The following PM20D2 variants were observed in gnomAD, a reference collection of about 807,000 sequenced individuals.
PM20D2 encodes the protein peptidase M20 domain containing 2.
In PM20D2, 33 loss-of-function variants were observed where a neutral mutation model predicts 42.9. That is an observed-to-expected ratio of 0.77 (90% CI 0.58 to 1.03). PM20D2 has a LOEUF of 1.03. PM20D2 is among the 50% of genes least tolerant of loss of function. PM20D2 has a pLI of 0.00. For synonymous variants in PM20D2, 250 were observed against 228.2 expected (o/e 1.10, Z -0.86); for missense variants, 548 against 557.0 (o/e 0.98, Z 0.16).
intron 5 of PM20D2, 47 bp downstream of exon 5, chr6:89,158,507 T>TA (rs1431541115): frequency 6.4e-7 from 1 of 1,574,604 alleles, no homozygotes; most frequent in Admixed American, 1.9e-5. Context: ...GGAAGAGAAA[T>TA]ACCATCTTTG....
the PM20D2 span, among the ~76,000 whole-genome samples, chr6:89,103,586 C>T: frequency 6.6e-6 from 1 of 152,210 alleles, no homozygotes; most frequent in South Asian, 2.1e-4. Context: ...CCGCCCTGGC[C>T]TCCCAAAGTG....
chr6:89,158,426 C>A lies in PM20D2; in HGVS notation c.1014C>A (p.Phe338Leu). The A allele has an allele frequency of 6.2e-7, 1 of 1,611,954 alleles. No individual in the cohort carries two copies. Among genetic ancestry groups the A allele is most frequent in the Non-Finnish European group, 8.5e-7 (1 of 1,179,484 alleles). Residue 338 changes from phenylalanine to leucine, a missense_variant, in exon 5 of 7, where the codon TTC becomes TTA. By Grantham distance (22) the Phe-to-Leu change is conservative (BLOSUM62 0). Around this residue, in one of 3 missense-constraint regions of PM20D2, gnomAD observed 470 missense variants for 464.4 expected, o/e 1.01. Transcript: ENST00000275072. The stretch of plus-strand genomic sequence containing the variant: ...ATGGAAGAAAGCTAGGAATAGAGTT[C>A]ATTTCAGAAGATACAATGTTGAATG... ...MENGRKLGIEFISEDTMLNGP... is the reference protein window; with the variant it reads ...MENGRKLGIELISEDTMLNGP...
the PM20D2 span, among the ~76,000 whole-genome samples, chr6:89,094,781 CT>C: frequency 0.45 from 62,948 of 138,784 alleles, 14,953 homozygotes; most frequent in Non-Finnish European, 0.56. Flanking sequence ...TGCTACGCAT[CT>C]TTTTTTTTTT....
the PM20D2 span, among the ~76,000 whole-genome samples, chr6:89,134,066 C>T: frequency 6.6e-6 from 1 of 151,282 alleles, no homozygotes; most frequent in African/African-American, 2.5e-5. Flanking sequence ...GTCTGGGCCA[C>T]TTACAGACAC....
In PM20D2 at chr6:89,165,320, T is replaced by C. The variant is rs376356607; in HGVS notation, c.*3057T>C. 2 of 152,196 alleles carry C rather than the reference T, an allele frequency of 1.3e-5. No homozygotes were observed. The highest frequency in any genetic ancestry group is 2.9e-5 in the Non-Finnish European group (2 of 68,028). 9.4% of individuals were successfully genotyped at this position (152,196 alleles called of 1,614,324 possible). A position where few individuals can be genotyped will look rare whatever the true frequency, so the allele number is the denominator to read the frequency against. On this transcript the variant is annotated 3_prime_UTR_variant, in exon 7 of 7. Transcript: ENST00000275072. ...AATTTTTGTTATAAGATAAATGTTA[T>C]CTTTGTACTAGATAGCAACCCTTTA...
the PM20D2 span, among the ~76,000 whole-genome samples, chr6:89,130,307 C>G: frequency 6.6e-6 from 1 of 151,954 alleles, no homozygotes; most frequent in Non-Finnish European, 1.5e-5. Context: ...CTATATTGCC[C>G]AGGCTGGTCT....
At chr6:89,142,179 A>G (rs575649789), upstream of PM20D2, among the ~76,000 whole-genome samples, 5 of 151,680 alleles carry the variant, frequency 3.3e-5, no homozygotes, top group East Asian at 3.9e-4. Flanking sequence ...TTCATCCCCA[A>G]TCAAATTCAC....
Position 89,164,607 on chromosome 6 carries a change from T to C in PM20D2, c.*2344T>C, listed in dbSNP as rs1771349514. ...TACGAAAATATATGATATATATTTA[T>C]ACTAAAACTATATAATCCTTAGATT... is the stretch of plus-strand genomic sequence containing the variant. On this transcript the variant is annotated 3_prime_UTR_variant, in exon 7 of 7. Transcript: ENST00000275072. The C allele has an allele frequency of 6.6e-6, 1 of 152,524 alleles. No homozygotes were observed. The highest frequency in any genetic ancestry group is 1.5e-5 in the Non-Finnish European group (1 of 67,996). 9.4% of individuals were successfully genotyped at this position (152,524 alleles called of 1,614,324 possible).
At chr6:89,106,395 G>A in the PM20D2 span, among the ~76,000 whole-genome samples, 2 of 152,182 alleles carry the variant, frequency 1.3e-5, no homozygotes, top group African/African-American at 2.4e-5. Flanking sequence ...TTACAGGCAT[G>A]AGCCACCGCA....
At chr6:89,110,213 G>T in the PM20D2 span, among the ~76,000 whole-genome samples, 8 of 152,140 alleles carry the variant, frequency 5.3e-5, no homozygotes, top group Admixed American at 3.3e-4. Context: ...CCAGGTTCTT[G>T]GCATTTTTAA....
At chr6:89,095,388 G>A in the PM20D2 span, among the ~76,000 whole-genome samples, 1 of 151,944 alleles carries the variant, frequency 6.6e-6, no homozygotes, top group African/African-American at 2.4e-5. Flanking sequence ...AATTTTTTTT[G>A]GTATTTTTTA....
At chr6:89,129,239 G>A in the PM20D2 span, among the ~76,000 whole-genome samples, 1 of 151,988 alleles carries the variant, frequency 6.6e-6, no homozygotes, top group East Asian at 1.9e-4. Context: ...GGAGTAAAGG[G>A]GATGGGATCA....
intron 1 of PM20D2, among the ~76,000 whole-genome samples, chr6:89,147,911 G>A (rs1358950971): frequency 1.3e-5 from 2 of 150,994 alleles, no homozygotes; most frequent in African/African-American, 4.9e-5. Context: ...AAAGAGCGGC[G>A]GCTTCATGTC....
intron 1 of PM20D2, 58 bp downstream of exon 1, chr6:89,146,667 G>A: frequency 7.7e-7 from 1 of 1,297,658 alleles, no homozygotes; most frequent in Middle Eastern, 2.8e-4. Flanking sequence ...GGGCGACCCG[G>A]GAAGGGCGGG....
rs545723648 is a variant in PM20D2 at position 89,149,463 on chromosome 6, A to T, written c.614+50A>T. On this transcript the variant is annotated intron_variant, in intron 2 of 6. Coordinates refer to ENST00000275072, the MANE Select transcript of PM20D2 (RefSeq NM_001010853.3). Reference sequence around the variant, plus strand: ...CTTCTTAGGGGAACACAGGCTATAGAATACTTTTATGTCTAAACCAGAGAC... The same window carrying T: ...CTTCTTAGGGGAACACAGGCTATAGTATACTTTTATGTCTAAACCAGAGAC... 3 of 1,584,468 alleles carry T rather than the reference A, an allele frequency of 1.9e-6. No individual in the cohort carries two copies. The East Asian group carries it at 6.7e-5, about 36-fold the overall frequency.
At chr6:89,156,355 T>C (rs777125116) in intron 4 of PM20D2, among the ~76,000 whole-genome samples, 8 of 152,214 alleles carry the variant, frequency 5.3e-5, no homozygotes, top group Admixed American at 2.6e-4. Flanking sequence ...CTGTAACCTT[T>C]AGAAATGTTT....
the PM20D2 span, among the ~76,000 whole-genome samples, chr6:89,112,217 A>G: frequency 6.6e-6 from 1 of 152,062 alleles, no homozygotes; most frequent in African/African-American, 2.4e-5. Context: ...CTCCCGGCCT[A>G]AAACTTATTT....
intron 2 of PM20D2, among the ~76,000 whole-genome samples, chr6:89,150,531 C>CCTT (rs1770794753): frequency 1.7e-5 from 1 of 59,394 alleles, no homozygotes. Flanking sequence ...CTGATCATCT[C>CCTT]TTTTTTTTTT....
At chr6:89,134,514 A>C in the PM20D2 span, among the ~76,000 whole-genome samples, 1 of 151,280 alleles carries the variant, frequency 6.6e-6, no homozygotes, top group South Asian at 2.1e-4. Flanking sequence ...GTGGGATATC[A>C]TAGTAGTTAC....
Sources: allele counts gnomAD v4.1 joint callset (sites outside exome capture counted in the v4.1 genomes callset), GRCh38; gene constraint gnomAD v4.1.1; regional missense constraint gnomAD v4.1.1; transcripts MANE v1.5; gene names NCBI Gene and HGNC (gene_info 2026-07-23, HGNC 2026-07-21).